SNRPN: variants seen among roughly 807,000 people sequenced by gnomAD.
SNRPN encodes the protein small nuclear ribonucleoprotein-associated protein N.
SNRPN carries 7 observed loss-of-function variants against 25.2 expected under a neutral mutation model. That is an observed-to-expected ratio of 0.28 (90% confidence interval 0.16 to 0.52). SNRPN has a LOEUF of 0.52. Among genes scored for constraint, SNRPN ranks in the 20% least tolerant of loss-of-function variants. The pLI is 0.96. For synonymous variants in SNRPN, 124 were observed against 110.6 expected, an observed-to-expected ratio of 1.12 and a Z score of -0.76; for missense variants, 196 against 322.5, an observed-to-expected ratio of 0.61 and a Z score of 3.00.
At chr15:24,949,114 T>A (rs2062071834) in intron 3 of SNRPN, among the ~76,000 whole-genome samples, 1 of 142,862 alleles carries the variant, frequency 7.0e-6, no homozygotes, top group Admixed American at 7.4e-5. Context: ...CTCCGTCTCC[T>A]GGGTTCAAGT....
chr15:24,963,368 G>A (rs2075136672), intron 2 of SNRPN, among the ~76,000 whole-genome samples: 1 of 152,170 alleles, frequency 6.6e-6, no homozygotes, highest in African/African-American at 2.4e-5. Flanking sequence ...TGTAATCCCA[G>A]CACTTTGGGA....
chr15:24,890,335 T>C (rs2057570107), intron 2 of SNRPN, among the ~76,000 whole-genome samples: 1 of 152,146 alleles, frequency 6.6e-6, no homozygotes, highest in Non-Finnish European at 1.5e-5. Flanking sequence ...TACTATTAGA[T>C]GATACCCTTT....
At position 24,974,422 on chromosome 15, in the gene SNRPN, C is replaced by T; in HGVS notation, c.-32C>T. 2 of 1,611,530 alleles carry T rather than the reference C, an allele frequency of 1.2e-6. No individual in the cohort carries two copies. Among genetic ancestry groups the T allele is most frequent in the Non-Finnish European group, 1.7e-6 (2 of 1,177,736 alleles). On this transcript the variant is annotated 5_prime_UTR_variant, in exon 4 of 10. Transcript: ENST00000390687. ...GGTCTTCAGAAGCATCAAGTTTTAA[C>T]TGTGGACATTGGATTTGGTGGAACA...
At chr15:24,852,949 AAAG>A (rs769339514), upstream of SNRPN, among the ~76,000 whole-genome samples, 8 of 152,154 alleles carry the variant, frequency 5.3e-5, no homozygotes, top group Non-Finnish European at 7.4e-5. Flanking sequence ...AAAAGAGAGA[AAAG>A]AAAAAATAAC....
intron 3 of SNRPN, chr15:24,968,764 T>G (rs2076022286): frequency 6.6e-6 from 1 of 152,186 alleles, no homozygotes; most frequent in African/African-American, 2.4e-5. Flanking sequence ...TTTTCTGTTT[T>G]AACCAATGTA....
At chr15:24,962,677 GTATA>G (rs143597132) in intron 2 of SNRPN, among the ~76,000 whole-genome samples, 12 of 152,174 alleles carry the variant, frequency 7.9e-5, no homozygotes, top group African/African-American at 2.9e-4. Context: ...TATGTGGAAT[GTATA>G]TATAGGATGT....
chr15:24,832,986 T>C (rs2141761455), intron 2 of SNRPN, among the ~76,000 whole-genome samples: 1 of 151,012 alleles, frequency 6.6e-6, no homozygotes, highest in African/African-American at 2.4e-5. Context: ...GCGCCTGCAG[T>C]CCCAGCTACT....
intron 3 of SNRPN, among the ~76,000 whole-genome samples, chr15:24,948,987 C>T: frequency 1.6e-5 from 2 of 121,292 alleles, no homozygotes; most frequent in Admixed American, 8.7e-5. Flanking sequence ...AATCTGCTTT[C>T]TGTCTATATG....
rs149563921 is a variant in SNRPN, at chr15:24,867,846, C to A, written c.-579+11130C>A. On this transcript the variant is annotated intron_variant, in intron 1 of 11. Coordinates refer to the SNRPN transcript ENST00000400097. The stretch of plus-strand genomic sequence containing the variant: ...CTGCTTTTCATTTGCTGCCCTTGTT[C>A]TTTGTTCCTCCTCCTGTCTTCCATT... Among the ~76,000 whole-genome samples, 122 of 152,118 alleles carry A rather than the reference C, an allele frequency of 8.0e-4. 1 individual carries two copies. Among genetic ancestry groups the A allele is most frequent in the Middle Eastern group, 6.8e-3 (2 of 294 alleles).
At chr15:24,918,459 A>T (rs12443074) in intron 2 of SNRPN, among the ~76,000 whole-genome samples, 311 of 128,794 alleles carry the variant, frequency 2.4e-3, no homozygotes, top group South Asian at 3.1e-3. Flanking sequence ...TATATAACAT[A>T]ATATATATGT....
In SNRPN at chr15:24,926,843, GA is replaced by G. The variant is rs923345952; in HGVS notation, c.-391+6729del. Among the ~76,000 whole-genome samples the G allele has an allele frequency of 1.2e-3, 176 of 147,452 alleles. 4 individuals carry two copies. The East Asian group carries it at 0.024, about 20-fold the overall frequency. ...AGCATAATGAGACCTCCTCTCTACA[GA>G]AAAAAAAAATGTAAAAGTTAGTTGG... On this transcript the variant is annotated intron_variant, in intron 3 of 11. Coordinates refer to the SNRPN transcript ENST00000400097.
At chr15:24,928,768 G>C (rs1004550449) in intron 3 of SNRPN, among the ~76,000 whole-genome samples, 1 of 151,868 alleles carries the variant, frequency 6.6e-6, no homozygotes, top group Admixed American at 6.6e-5. Context: ...ATCATGCCTA[G>C]CTATTTTTTT....
In SNRPN at chr15:24,868,136, T is replaced by C. The variant is rs573847810; in HGVS notation, c.-579+11420T>C. Among the ~76,000 whole-genome samples, 181 of 151,198 alleles carry C rather than the reference T, an allele frequency of 1.2e-3. 2 individuals carry two copies. Among genetic ancestry groups the C allele is most frequent in the African/African-American group, 4.1e-3 (167 of 41,210 alleles). ...GTGTGTGTGTGTATATATATATATA[T>C]ACACACACACATATACATATGCATG... is the stretch of plus-strand genomic sequence containing the variant. On this transcript the variant is annotated intron_variant, in intron 1 of 11. Transcript: ENST00000400097.
intron 8 of SNRPN, 29 bp downstream of exon 8, chr15:24,977,945 C>T: frequency 6.6e-7 from 1 of 1,526,628 alleles, no homozygotes; most frequent in East Asian, 2.3e-5. Flanking sequence ...CGAAGACGAA[C>T]TTGAATCTCT....
intron 2 of SNRPN, among the ~76,000 whole-genome samples, chr15:24,963,252 T>C (rs1191629224): frequency 6.6e-6 from 1 of 152,236 alleles, no homozygotes; most frequent in East Asian, 1.9e-4. Context: ...TTGTAATCGT[T>C]AGCTTGCTGC....
At chr15:24,846,537 G>A (rs1448837472) in intron 2 of SNRPN, among the ~76,000 whole-genome samples, 1 of 152,180 alleles carries the variant, frequency 6.6e-6, no homozygotes, top group African/African-American at 2.4e-5. Context: ...AAATGCATGG[G>A]CATACAAACC....
At chr15:24,953,941 C>T (rs2062480932), upstream of SNRPN, among the ~76,000 whole-genome samples, 1 of 152,174 alleles carries the variant, frequency 6.6e-6, no homozygotes, top group Admixed American at 6.5e-5. Flanking sequence ...TCATTGGGAA[C>T]TGAGCAGTAG....
At chr15:24,846,806 TA>T (rs2052241390) in intron 2 of SNRPN, among the ~76,000 whole-genome samples, 1 of 152,198 alleles carries the variant, frequency 6.6e-6, no homozygotes, top group Non-Finnish European at 1.5e-5. Context: ...TTAGGATTTT[TA>T]TAGTTTTCTA....
At chr15:24,854,708 T>G (rs998906453), upstream of SNRPN, among the ~76,000 whole-genome samples, 2 of 152,194 alleles carry the variant, frequency 1.3e-5, no homozygotes, top group African/African-American at 4.8e-5. Context: ...CAGCGACTAT[T>G]AATTCTAGCC....
Sources: gnomAD v4.1 joint callset for allele counts (sites outside exome capture counted in the v4.1 genomes callset) on GRCh38, gnomAD v4.1.1 for gene constraint, MANE v1.5 for transcripts, NCBI Gene and HGNC (gene_info 2026-07-23, HGNC 2026-07-21) for gene names.